The following SAG variants were observed in gnomAD, a reference collection of about 807,000 sequenced individuals.
SAG encodes the protein S-antigen visual arrestin.
A neutral mutation model predicts 55.0 loss-of-function variants in SAG; 45 were observed. That is an observed-to-expected ratio of 0.82 (90% CI 0.64 to 1.05). The LOEUF is 1.05. SAG is among the 50% of genes least tolerant of loss of function. SAG has a pLI of 0.00. For synonymous variants in SAG, 189 were observed against 197.4 expected (o/e 0.96, Z 0.36); for missense variants, 455 against 512.1 (o/e 0.89, Z 1.08).
Position 233,346,977 on chromosome 2 carries a change from G to A in SAG, c.*65G>A. On this transcript the variant is annotated 3_prime_UTR_variant, in exon 16 of 16. Coordinates refer to ENST00000409110, the MANE Select transcript of SAG (RefSeq NM_000541.5). The stretch of plus-strand genomic sequence containing the variant: ...CCAGTGCAACGAGCAAAGCCCCACA[G>A]TTTAGTCCTTTGGAGTTATGCTGCG... The A allele has an allele frequency of 2.3e-6, 2 of 884,842 alleles. No homozygotes were observed. The highest frequency in any genetic ancestry group is 3.7e-6 in the Non-Finnish European group (2 of 545,150). 54.8% of individuals were successfully genotyped at this position (884,842 alleles called of 1,614,324 possible).
intron 5 of SAG, 78 bp downstream of exon 5, chr2:233,320,901 A>T: frequency 8.0e-7 from 1 of 1,246,142 alleles, no homozygotes; most frequent in South Asian, 1.5e-5. Flanking sequence ...AGGAAAGGGG[A>T]TAGAGGAAGA....
At chr2:233,308,930 T>C (rs1700005438) in intron 1 of SAG, among the ~76,000 whole-genome samples, 1 of 152,188 alleles carries the variant, frequency 6.6e-6, no homozygotes, top group South Asian at 2.1e-4. Flanking sequence ...TGAGAAATGT[T>C]TGAAGCTTAC....
In SAG at chr2:233,346,991, A is replaced by C. The variant is rs945610201; in HGVS notation, c.*79A>C. ...AAAGCCCCACAGTTTAGTCCTTTGGAGTTATGCTGCGTATGAAAGGATGAG... is the reference window on the plus strand; with the variant it reads ...AAAGCCCCACAGTTTAGTCCTTTGGCGTTATGCTGCGTATGAAAGGATGAG... On this transcript the variant is annotated 3_prime_UTR_variant, in exon 16 of 16. Transcript: ENST00000409110. The C allele has an allele frequency of 3.9e-6, 3 of 764,338 alleles. No individual in the cohort carries two copies. The highest frequency in any genetic ancestry group is 6.7e-6 in the Non-Finnish European group (3 of 447,602). 47.3% of individuals were successfully genotyped at this position (764,338 alleles called of 1,614,324 possible).
chr2:233,346,264 T>G, intron 14 of SAG, 139 bp from the exon 15 acceptor site: 1 of 849,358 alleles, frequency 1.2e-6, no homozygotes, highest in Non-Finnish European at 2.0e-6. Flanking sequence ...ATGAACTGCA[T>G]GTATCTAGGC....
chr2:233,346,504 T>A (rs893936152), intron 15 of SAG, 92 bp downstream of exon 15: 59 of 1,353,718 alleles, frequency 4.4e-5, no homozygotes, highest in Non-Finnish European at 6.1e-5. Flanking sequence ...TTTGCACATA[T>A]CCCAAGCTCT....
chr2:233,336,115 CTG>C (rs1256729495), intron 11 of SAG, among the ~76,000 whole-genome samples: 1 of 152,214 alleles, frequency 6.6e-6, no homozygotes, highest in Non-Finnish European at 1.5e-5. Flanking sequence ...ATCAGGGAAA[CTG>C]AGAGCCTAGA....
In SAG at chr2:233,307,866, T is replaced by C. The variant is rs1699987359; in HGVS notation, c.-185T>C. ...CTAGATCCCCTACAAATTCCCCACA[T>C]ACGTAGGCCAGGAGCCTCAGCGGTG... is the stretch of plus-strand genomic sequence containing the variant. On this transcript the variant is annotated 5_prime_UTR_variant, in exon 1 of 16. Coordinates refer to ENST00000409110, the MANE Select transcript of SAG (RefSeq NM_000541.5). The C allele has an allele frequency of 6.6e-6, 1 of 152,404 alleles. No homozygotes were observed. The highest frequency in any genetic ancestry group is 2.1e-4 in the South Asian group (1 of 4,832). 9.4% of individuals were successfully genotyped at this position (152,404 alleles called of 1,614,324 possible).
intron 3 of SAG, among the ~76,000 whole-genome samples, chr2:233,317,821 G>A (rs551695584): frequency 1.9e-4 from 29 of 152,098 alleles, no homozygotes; most frequent in Non-Finnish European, 3.1e-4. Flanking sequence ...ATATATATAC[G>A]TGTGTGTATA....
At chr2:233,313,786 C>A (rs1047225340) in intron 2 of SAG, among the ~76,000 whole-genome samples, 2 of 138,992 alleles carry the variant, frequency 1.4e-5, no homozygotes, top group Non-Finnish European at 3.0e-5. Context: ...GTTGCCCTGG[C>A]TTGAACTCCT....
At chr2:233,326,673 T>C (rs886264469) in intron 6 of SAG, among the ~76,000 whole-genome samples, 1 of 151,800 alleles carries the variant, frequency 6.6e-6, no homozygotes, top group African/African-American at 2.4e-5. Context: ...CAGGTGACCA[T>C]GGGGGTCAGG....
At chr2:233,318,400 T>A (rs531198891) in intron 3 of SAG, among the ~76,000 whole-genome samples, 18 of 152,180 alleles carry the variant, frequency 1.2e-4, no homozygotes, top group Admixed American at 2.6e-4. Context: ...CTAATTTTTT[T>A]TAAAAACTTT....
chr2:233,308,817 C>T (rs376702564), intron 1 of SAG, among the ~76,000 whole-genome samples: 57 of 152,162 alleles, frequency 3.7e-4, no homozygotes, highest in African/African-American at 1.2e-3. Flanking sequence ...GACACAGTCA[C>T]GATAGAACTT....
At chr2:233,332,882 C>G (rs1254530517) in intron 10 of SAG, 1 of 152,174 alleles carries the variant, frequency 6.6e-6, no homozygotes. Flanking sequence ...AGGCTGGTCT[C>G]GAACTCCTGA....
rs145985685 is a variant in SAG at position 233,318,453 on chromosome 2, G to T, written c.137-298G>T. On this transcript the variant is annotated intron_variant, in intron 3 of 15. Transcript: ENST00000409110. ...TCACTATGTTGCTCAGGCTGCTCTC[G>T]AACTCCTAGGCTCGAGCAGTCCTCC... 0.012 allele frequency among the ~76,000 whole-genome samples: 1,803 copies of T among 151,812 alleles called. 19 individuals are homozygous for T. Among genetic ancestry groups the T allele is most frequent in the Admixed American group, 0.028 (428 of 15,252 alleles).
intron 6 of SAG, 132 bp downstream of exon 6, chr2:233,323,137 C>A (rs1700437707): frequency 3.0e-6 from 2 of 672,732 alleles, no homozygotes; most frequent in Non-Finnish European, 5.2e-6. Context: ...TGGCTCACTG[C>A]AACCTGTGGT....
chr2:233,309,308 A>T (rs776231112), intron 2 of SAG, 44 bp downstream of exon 2: 91 of 1,515,014 alleles, frequency 6.0e-5, no homozygotes, highest in East Asian at 2.3e-4. Context: ...ATTATTGTTT[A>T]AAAAAAATGG....
rs371193329 is a variant in SAG at position 233,320,590 on chromosome 2, C to CCGAGGGCCGGA, written c.182-32_182-31insGGACGAGGGCC. The stretch of plus-strand genomic sequence containing the variant: ...TCCGTCAGTGGTGGTGGGTGCCAGG[C>CCGAGGGCCGGA]CGAGGGCCAAGTCCGACCCTGCCTT... On this transcript the variant is annotated intron_variant, in intron 4 of 15. Coordinates refer to ENST00000409110, the MANE Select transcript of SAG (RefSeq NM_000541.5). 2.7e-6 allele frequency: 4 copies of CCGAGGGCCGGA among 1,503,888 alleles called. No individual in the cohort carries two copies. In the African/African-American group the frequency reaches 5.7e-5, roughly 21 times the overall value. The allele number at this position is 1,503,888 out of a possible 1,614,324, so 93.2% of individuals were successfully genotyped here.
chr2:233,313,627 C>A (rs1456361978), intron 2 of SAG, among the ~76,000 whole-genome samples: 4 of 151,676 alleles, frequency 2.6e-5, no homozygotes, highest in Non-Finnish European at 5.9e-5. Flanking sequence ...CTCACTGCAG[C>A]CTCAACCTCC....
At chr2:233,313,165 A>T (rs1447693110) in intron 2 of SAG, among the ~76,000 whole-genome samples, 1 of 152,204 alleles carries the variant, frequency 6.6e-6, no homozygotes, top group African/African-American at 2.4e-5. Context: ...ACCAAAAGCC[A>T]GGGGGTGCTG....
Sources: gnomAD v4.1 joint callset for allele counts (sites outside exome capture counted in the v4.1 genomes callset) on GRCh38, gnomAD v4.1.1 for gene constraint, MANE v1.5 for transcripts, NCBI Gene and HGNC (gene_info 2026-07-23, HGNC 2026-07-21) for gene names.